The following CENPK variants were observed in gnomAD, a reference collection of about 807,000 sequenced individuals.
CENPK encodes the protein centromere protein K, also known as SoxLZ/Sox6-binding protein Solt.
In CENPK, 46 loss-of-function variants were observed where a neutral mutation model predicts 40.9. That is an observed-to-expected ratio of 1.13 (90% confidence interval 0.89 to 1.44). CENPK has a LOEUF of 1.44. Ranked by LOEUF, CENPK falls within the 40% of genes most tolerant of loss-of-function variation. CENPK has a pLI of 0.00. For synonymous variants in CENPK, 107 were observed against 104.4 expected (o/e 1.02, Z -0.15); for missense variants, 288 against 303.5 (o/e 0.95, Z 0.38).
the CENPK span, among the ~76,000 whole-genome samples, chr5:65,505,281 T>A: frequency 0.074 from 11,260 of 152,200 alleles, 422 homozygotes; most frequent in East Asian, 0.095. Context: ...TGTCCTTAAG[T>A]TACTATCCTT....
intron 6 of CENPK, among the ~76,000 whole-genome samples, chr5:65,539,477 A>T (rs1747559882): frequency 6.6e-6 from 1 of 152,236 alleles, no homozygotes; most frequent in Non-Finnish European, 1.5e-5. Flanking sequence ...AAGGGGTAAC[A>T]TGTCCCAATT....
At chr5:65,498,090 T>A in the CENPK span, among the ~76,000 whole-genome samples, 1 of 152,164 alleles carries the variant, frequency 6.6e-6, no homozygotes, top group African/African-American at 2.4e-5. Flanking sequence ...TATTTTCTGT[T>A]GGATTTTGCA....
chr5:65,557,341 C>T (rs889303979), intron 2 of CENPK, among the ~76,000 whole-genome samples: 1 of 152,036 alleles, frequency 6.6e-6, no homozygotes, highest in Non-Finnish European at 1.5e-5. Flanking sequence ...GAGTCTTTTT[C>T]CTCTCCCCCT....
At chr5:65,552,467 T>C in intron 4 of CENPK, 26 bp downstream of exon 4, 1 of 1,447,226 alleles carries the variant, frequency 6.9e-7, no homozygotes, top group Non-Finnish European at 9.4e-7. Context: ...TTACCTTGTA[T>C]TTTTTAGGAA....
intron 5 of CENPK, among the ~76,000 whole-genome samples, chr5:65,549,595 G>A (rs892449701): frequency 1.3e-5 from 2 of 152,164 alleles, no homozygotes; most frequent in Non-Finnish European, 2.9e-5. Flanking sequence ...TGGATAACTT[G>A]TTGACGCTTC....
chr5:65,557,291 A>G (rs1022435113), intron 2 of CENPK, among the ~76,000 whole-genome samples: 4 of 152,232 alleles, frequency 2.6e-5, no homozygotes, highest in African/African-American at 9.6e-5. Context: ...TTTTCTAAAA[A>G]TACTCACAGC....
chr5:65,545,647 A>T (rs879301401), intron 5 of CENPK, among the ~76,000 whole-genome samples: 1 of 152,226 alleles, frequency 6.6e-6, no homozygotes, highest in African/African-American at 2.4e-5. Flanking sequence ...GAATTTTAGA[A>T]GATCAGGAAG....
chr5:65,510,163 T>A, the CENPK span, among the ~76,000 whole-genome samples: 1 of 152,156 alleles, frequency 6.6e-6, no homozygotes, highest in African/African-American at 2.4e-5. Flanking sequence ...GAAAAAGTCA[T>A]GTCAAAAGTC....
At chr5:65,513,235 C>T (rs1371235115), downstream of CENPK, among the ~76,000 whole-genome samples, 1 of 152,110 alleles carries the variant, frequency 6.6e-6, no homozygotes, top group East Asian at 1.9e-4. Flanking sequence ...AAAGTCATCG[C>T]CAAAGTCAGT....
Position 65,529,116 on chromosome 5 carries a change from C to T in CENPK, c.371+1G>A, listed in dbSNP as rs781217896. On this transcript the variant is annotated splice_donor_variant, in intron 7 of 10. Coordinates refer to ENST00000396679, the MANE Select transcript of CENPK (RefSeq NM_022145.5). LOFTEE classifies it high-confidence loss of function. The stretch of plus-strand genomic sequence containing the variant: ...TAATAGTAATTGTAACATAAACAAA[C>T]CTTTCTAAGTCTTCCTTTAACTTTT... 2 of 1,598,062 alleles carry T rather than the reference C, an allele frequency of 1.3e-6. No individual in the cohort carries two copies. The highest frequency in any genetic ancestry group is 1.1e-5 in the South Asian group (1 of 90,058).
the CENPK span, among the ~76,000 whole-genome samples, chr5:65,509,906 G>A: frequency 6.9e-4 from 105 of 152,150 alleles, no homozygotes; most frequent in Non-Finnish European, 1.0e-3. Context: ...CAGTGTAATT[G>A]TTTGGAGGAA....
chr5:65,531,598 G>A (rs1745860853), intron 6 of CENPK, among the ~76,000 whole-genome samples: 1 of 151,800 alleles, frequency 6.6e-6, no homozygotes, highest in Non-Finnish European at 1.5e-5. Flanking sequence ...CTGCCTCCCG[G>A]GTTCAAGTGA....
At position 65,556,892 on chromosome 5, in the gene CENPK, C is replaced by T. The variant is rs73097110; in HGVS notation, c.-39-1946G>A. On this transcript the variant is annotated intron_variant, in intron 2 of 10. Coordinates refer to ENST00000396679, the MANE Select transcript of CENPK (RefSeq NM_022145.5). ...AATACCATTCTGTTACAATTACCTA[C>T]GGTATTCAGCCTAGGTATGTAGTAG... is the stretch of plus-strand genomic sequence containing the variant. 7.6e-3 allele frequency among the ~76,000 whole-genome samples: 1,162 copies of T among 152,268 alleles called. 15 individuals are homozygous for T. Among genetic ancestry groups the T allele is most frequent in the African/African-American group, 0.026 (1,084 of 41,536 alleles).
Position 65,551,590 on chromosome 5 carries a change from C to T in CENPK, c.215G>A (p.Ser72Asn), listed in dbSNP as rs1425260470. ...MQVKCLTAELSQWQKKTPETI... is the reference protein window; with the variant it reads ...MQVKCLTAELNQWQKKTPETI... ...TTCAGGTGTTTTTTTCTGCCATTGA[C>T]TGAGTTCAGCGGTTAAACATTTTAC... is the stretch of plus-strand genomic sequence containing the variant. Residue 72 changes from serine (S) to asparagine (N), a missense_variant, in exon 5 of 11, where the codon AGT becomes AAT. Physicochemically the swap from Ser to Asn is conservative, Grantham distance 46. Transcript: ENST00000396679. 3 of 1,573,620 alleles carry T rather than the reference C, an allele frequency of 1.9e-6. No individual in the cohort carries two copies. Among genetic ancestry groups the T allele is most frequent in the African/African-American group, 1.4e-5 (1 of 72,946 alleles).
At chr5:65,533,479 G>A (rs2150399379) in intron 6 of CENPK, among the ~76,000 whole-genome samples, 1 of 152,218 alleles carries the variant, frequency 6.6e-6, no homozygotes, top group Non-Finnish European at 1.5e-5. Flanking sequence ...ACTTAATGGT[G>A]AAGGGGCAAA....
At chr5:65,508,862 T>G in the CENPK span, among the ~76,000 whole-genome samples, 1 of 150,830 alleles carries the variant, frequency 6.6e-6, no homozygotes, top group Non-Finnish European at 1.5e-5. Flanking sequence ...GGCAAAAAGT[T>G]TTTAGATACG....
At position 65,529,443 on chromosome 5, in the gene CENPK, A is replaced by G. The variant is rs1237582297; in HGVS notation, c.289-244T>C. 3 of 375,678 alleles carry G rather than the reference A, an allele frequency of 8.0e-6. No individual in the cohort carries two copies. The Admixed American group carries it at 1.3e-4, about 16-fold the overall frequency. The allele number at this position is 375,678 out of a possible 1,614,324, so 23.3% of individuals were successfully genotyped here. ...AAATTTTAATATCATATTGAAAGGC[A>G]AAATAATGGTGTGTTTTCAGTAATA... On this transcript the variant is annotated intron_variant, in intron 6 of 10. Coordinates refer to ENST00000396679, the MANE Select transcript of CENPK (RefSeq NM_022145.5).
chr5:65,562,425 G>C (rs934987416), intron 1 of CENPK, among the ~76,000 whole-genome samples: 1 of 152,158 alleles, frequency 6.6e-6, no homozygotes, highest in Non-Finnish European at 1.5e-5. Context: ...CTATGGGGGG[G>C]CAGTTCCTTC....
the CENPK span, among the ~76,000 whole-genome samples, chr5:65,495,643 G>T: frequency 7.3e-5 from 11 of 151,600 alleles, no homozygotes; most frequent in African/African-American, 2.2e-4. Flanking sequence ...GTTTAATGAG[G>T]CCACAAGAAA....
Sources: gnomAD v4.1 joint callset for allele counts (sites outside exome capture counted in the v4.1 genomes callset) on GRCh38, gnomAD v4.1.1 for gene constraint, MANE v1.5 for transcripts, NCBI Gene and HGNC (gene_info 2026-07-23, HGNC 2026-07-21) for gene names.